The following GRM7 variants were observed in gnomAD, a reference collection of about 807,000 sequenced individuals.
GRM7 encodes glutamate metabotropic receptor 7, also known as metabotropic glutamate receptor 7.
GRM7 carries 35 observed loss-of-function variants against 84.5 expected under a neutral mutation model. The observed-to-expected ratio is 0.41, with a 90% confidence interval of 0.32 to 0.55. GRM7 has a LOEUF of 0.55. GRM7 is among the 20% of genes least tolerant of loss of function. GRM7 has a pLI of 0.19. For missense variants in GRM7, 1,003 were observed against 1,194.6 expected, an observed-to-expected ratio of 0.84 and a Z score of 2.36; for synonymous variants, 487 against 455.1, an observed-to-expected ratio of 1.07 and a Z score of -0.89.
intron 5 of GRM7, among the ~76,000 whole-genome samples, chr3:7,437,472 C>T (rs1007541742): frequency 5.3e-5 from 8 of 152,176 alleles, no homozygotes; most frequent in African/African-American, 1.9e-4. Context: ...AAGACATCCT[C>T]ACCACATGCC....
chr3:7,555,804 G>A (rs942151921), intron 7 of GRM7, among the ~76,000 whole-genome samples: 2 of 152,120 alleles, frequency 1.3e-5, no homozygotes, highest in African/African-American at 4.8e-5. Flanking sequence ...ATGTGCAGTA[G>A]TCCCAGCTCA....
Position 7,534,670 on chromosome 3 carries a change from A to G in GRM7, c.1516-43752A>G, listed in dbSNP as rs900388063. On this transcript the variant is annotated intron_variant, in intron 7 of 9. Transcript: ENST00000357716. Reference sequence around the variant, plus strand: ...TGGTTATTCCATTTATTCAGGAGCTATAATAAACAGGGCCCTTAATTCTAT... The same window carrying G: ...TGGTTATTCCATTTATTCAGGAGCTGTAATAAACAGGGCCCTTAATTCTAT... Among the ~76,000 whole-genome samples the G allele has an allele frequency of 2.6e-5, 4 of 152,264 alleles. No homozygotes were observed. The South Asian group carries it at 6.2e-4, about 24-fold the overall frequency.
intron 7 of GRM7, among the ~76,000 whole-genome samples, chr3:7,509,432 T>C (rs180965445): frequency 1.2e-4 from 19 of 152,304 alleles, no homozygotes; most frequent in African/African-American, 4.3e-4. Context: ...ATGGGTACTA[T>C]CTGGCGTCTA....
chr3:7,678,769 G>T (rs1700240621), intron 8 of GRM7, among the ~76,000 whole-genome samples: 1 of 152,196 alleles, frequency 6.6e-6, no homozygotes, highest in Non-Finnish European at 1.5e-5. Context: ...AGTTGTCTTT[G>T]ATTTCACTAG....
At chr3:7,271,535 G>C (rs964929851) in intron 2 of GRM7, among the ~76,000 whole-genome samples, 6 of 148,112 alleles carry the variant, frequency 4.1e-5, no homozygotes, top group African/African-American at 1.3e-4. Flanking sequence ...CTCCAGCCTG[G>C]GCGACAGAGT....
At chr3:7,180,083 A>C (rs983870756) in intron 2 of GRM7, among the ~76,000 whole-genome samples, 1 of 152,158 alleles carries the variant, frequency 6.6e-6, no homozygotes, top group African/African-American at 2.4e-5. Flanking sequence ...TCTGACTTTC[A>C]CAGAACATTG....
At chr3:7,086,944 G>A (rs1471866037) in intron 1 of GRM7, among the ~76,000 whole-genome samples, 2 of 152,128 alleles carry the variant, frequency 1.3e-5, no homozygotes, top group African/African-American at 4.8e-5. Context: ...TTCATTTTGT[G>A]TAGCTGTCAT....
At chr3:7,382,861 G>T (rs919044709) in intron 4 of GRM7, among the ~76,000 whole-genome samples, 1 of 152,210 alleles carries the variant, frequency 6.6e-6, no homozygotes, top group Non-Finnish European at 1.5e-5. Flanking sequence ...CACAATCTCA[G>T]TAGGCTCTGG....
chr3:7,709,235 T>C (rs1307716535), intron 9 of GRM7, among the ~76,000 whole-genome samples: 1 of 152,148 alleles, frequency 6.6e-6, no homozygotes, highest in Non-Finnish European at 1.5e-5. Flanking sequence ...TAAACAAATA[T>C]AAGAATATAA....
intron 4 of GRM7, among the ~76,000 whole-genome samples, chr3:7,329,817 G>GCATGGATGTATGTATACTTAT (rs1701130232): frequency 6.6e-6 from 1 of 151,760 alleles, no homozygotes; most frequent in Non-Finnish European, 1.5e-5. Context: ...TGTATACTTA[G>GCATGGATGTATGTATACTTAT]ATATGCATAA....
chr3:7,325,229 G>GTT (rs1185041409), intron 4 of GRM7, among the ~76,000 whole-genome samples: 3 of 152,218 alleles, frequency 2.0e-5, no homozygotes, highest in Non-Finnish European at 4.4e-5. Flanking sequence ...ACCATGCTAA[G>GTT]TGAGGTGAGG....
intron 5 of GRM7, among the ~76,000 whole-genome samples, chr3:7,432,841 G>T (rs1471995178): frequency 6.6e-6 from 1 of 152,102 alleles, no homozygotes; most frequent in Non-Finnish European, 1.5e-5. Flanking sequence ...TGCAGCACAG[G>T]ACAATAAAGG....
At chr3:7,592,809 A>G (rs1695858948) in intron 8 of GRM7, among the ~76,000 whole-genome samples, 1 of 152,086 alleles carries the variant, frequency 6.6e-6, no homozygotes, top group Admixed American at 6.6e-5. Flanking sequence ...AGAAACCTTC[A>G]CTTTCCTTCA....
At position 7,559,907 on chromosome 3, in the gene GRM7, C is replaced by A. The variant is rs912871365; in HGVS notation, c.1516-18515C>A. On this transcript the variant is annotated intron_variant, in intron 7 of 9. Coordinates refer to ENST00000357716, the MANE Select transcript of GRM7 (RefSeq NM_000844.4). Reference sequence around the variant, plus strand: ...TCCTTCTCATGTTGTCCCCACATGGCCTTTCCTATCTCCTCACCTTCTTTT... The same window carrying A: ...TCCTTCTCATGTTGTCCCCACATGGACTTTCCTATCTCCTCACCTTCTTTT... Among the ~76,000 whole-genome samples the A allele has an allele frequency of 5.3e-5, 8 of 151,964 alleles. 1 individual carries two copies. Among genetic ancestry groups the A allele is most frequent in the South Asian group, 4.1e-4 (2 of 4,828 alleles).
At chr3:7,440,665 G>A (rs1228582581) in intron 5 of GRM7, among the ~76,000 whole-genome samples, 2 of 152,148 alleles carry the variant, frequency 1.3e-5, no homozygotes, top group Non-Finnish European at 2.9e-5. Context: ...CCTCAAATAG[G>A]CCCCAGCCTC....
chr3:7,547,591 C>G (rs1360606953), intron 7 of GRM7, among the ~76,000 whole-genome samples: 1 of 152,134 alleles, frequency 6.6e-6, no homozygotes, highest in Non-Finnish European at 1.5e-5. Flanking sequence ...TCCTATTGCC[C>G]AGGTCCAACA....
At chr3:7,461,280 T>G (rs1698234395) in intron 6 of GRM7, among the ~76,000 whole-genome samples, 1 of 152,170 alleles carries the variant, frequency 6.6e-6, no homozygotes, top group East Asian at 1.9e-4. Flanking sequence ...CTCTTAAAAT[T>G]AATGCATATA....
chr3:7,420,870 A>G (rs1460652575), intron 5 of GRM7, among the ~76,000 whole-genome samples: 1 of 152,198 alleles, frequency 6.6e-6, no homozygotes, highest in African/African-American at 2.4e-5. Context: ...TGCTAATAAC[A>G]TTTAGATACA....
At chr3:7,600,946 T>C (rs146632336) in intron 8 of GRM7, among the ~76,000 whole-genome samples, 298 of 152,256 alleles carry the variant, frequency 2.0e-3, no homozygotes, top group African/African-American at 6.7e-3. Context: ...AGTGCAACTT[T>C]ATTCATATTC....
Sources: gnomAD v4.1 joint callset for allele counts (sites outside exome capture counted in the v4.1 genomes callset) on GRCh38, gnomAD v4.1.1 for gene constraint, MANE v1.5 for transcripts, NCBI Gene and HGNC (gene_info 2026-07-23, HGNC 2026-07-21) for gene names.